The following ZDHHC7 variants were observed in gnomAD, a reference collection of about 807,000 sequenced individuals.
ZDHHC7 encodes the protein palmitoyltransferase ZDHHC7.
A neutral mutation model predicts 34.1 loss-of-function variants in ZDHHC7; 12 were observed. The observed-to-expected ratio is 0.35, with a 90% CI of 0.23 to 0.57. ZDHHC7 has a LOEUF of 0.57. Among genes scored for constraint, ZDHHC7 ranks in the 20% least tolerant of loss-of-function variants. ZDHHC7 has a pLI of 0.84. For missense variants in ZDHHC7, 388 were observed against 402.7 expected (o/e 0.96, Z 0.31); for synonymous variants, 185 against 155.4 (o/e 1.19, Z -1.42).
chr16:85,013,263 G>C (rs2072817410), upstream of ZDHHC7, among the ~76,000 whole-genome samples: 1 of 152,068 alleles, frequency 6.6e-6, no homozygotes, highest in African/African-American at 2.4e-5. Context: ...TTTACTTTGA[G>C]ATGGAGTCTC....
chr16:85,006,581 TA>T (rs1206821894), intron 1 of ZDHHC7, among the ~76,000 whole-genome samples: 5 of 148,382 alleles, frequency 3.4e-5, no homozygotes, highest in South Asian at 2.1e-4. Flanking sequence ...TTCTGTAATT[TA>T]AAAAAAAAGG....
At chr16:84,987,133 C>T (rs986922319) in intron 3 of ZDHHC7, among the ~76,000 whole-genome samples, 16 of 152,238 alleles carry the variant, frequency 1.1e-4, no homozygotes, top group Non-Finnish European at 1.9e-4. Context: ...TTCCACTCCA[C>T]AGCCTGCCAG....
At chr16:85,012,283 G>C (rs528455833), upstream of ZDHHC7, among the ~76,000 whole-genome samples, 1 of 151,832 alleles carries the variant, frequency 6.6e-6, no homozygotes, top group East Asian at 1.9e-4. Flanking sequence ...CTACTCGAGA[G>C]GCTGAGGCAG....
intron 1 of ZDHHC7, among the ~76,000 whole-genome samples, chr16:85,006,969 CCAAA>C (rs1218527437): frequency 4.6e-5 from 7 of 151,944 alleles, no homozygotes; most frequent in Admixed American, 6.5e-5. Flanking sequence ...TATTCATTCA[CCAAA>C]CAGTTTTCAA....
At chr16:84,994,190 C>G (rs2072546088) in intron 2 of ZDHHC7, among the ~76,000 whole-genome samples, 1 of 152,244 alleles carries the variant, frequency 6.6e-6, no homozygotes, top group Non-Finnish European at 1.5e-5. Context: ...GCCCTGTCCC[C>G]CTCATGCCTT....
chr16:84,977,729 C>A (rs777285109), intron 6 of ZDHHC7, among the ~76,000 whole-genome samples, 195 bp downstream of exon 6: 1 of 152,236 alleles, frequency 6.6e-6, no homozygotes, highest in Non-Finnish European at 1.5e-5. Context: ...AGCAGACAGA[C>A]ACAAGCTTTT....
At chr16:84,993,224 G>C (rs548864895) in intron 2 of ZDHHC7, among the ~76,000 whole-genome samples, 1 of 152,052 alleles carries the variant, frequency 6.6e-6, no homozygotes, top group Non-Finnish European at 1.5e-5. Flanking sequence ...GGGAGGCTGA[G>C]GGGGGAAGAT....
the ZDHHC7 span, among the ~76,000 whole-genome samples, chr16:85,018,004 C>G: frequency 6.6e-6 from 1 of 151,960 alleles, no homozygotes; most frequent in African/African-American, 2.4e-5. Context: ...TTGGAACTGT[C>G]GAGACACGGG....
At chr16:84,977,284 T>A in intron 6 of ZDHHC7, 59 bp from the exon 7 acceptor site, 1 of 1,596,964 alleles carries the variant, frequency 6.3e-7, no homozygotes, top group Non-Finnish European at 8.5e-7. Flanking sequence ...GGCAGAATGT[T>A]TGGCTCAGAG....
intron 6 of ZDHHC7, 194 bp from the exon 7 acceptor site, chr16:84,977,419 A>G (rs1410648474): frequency 6.4e-6 from 4 of 627,758 alleles, no homozygotes; most frequent in Non-Finnish European, 1.1e-5. Context: ...AATTCATACC[A>G]TGACTTCCTG....
At chr16:85,021,552 A>T in the ZDHHC7 span, among the ~76,000 whole-genome samples, 1 of 151,642 alleles carries the variant, frequency 6.6e-6, no homozygotes. Flanking sequence ...CTACTAAAGA[A>T]AAACAAATAC....
chr16:85,003,116 C>T (rs544872493), intron 1 of ZDHHC7, among the ~76,000 whole-genome samples: 9 of 152,028 alleles, frequency 5.9e-5, no homozygotes, highest in African/African-American at 9.7e-5. Context: ...AAGATGCAAG[C>T]GGGAGAGGCC....
At chr16:85,004,120 G>A (rs1457414006) in intron 1 of ZDHHC7, among the ~76,000 whole-genome samples, 1 of 151,702 alleles carries the variant, frequency 6.6e-6, no homozygotes, top group East Asian at 1.9e-4. Context: ...CAGGGCAGGA[G>A]GGTCAAAGCA....
intron 3 of ZDHHC7, among the ~76,000 whole-genome samples, chr16:84,989,607 A>C (rs1182362198): frequency 6.7e-6 from 1 of 150,234 alleles, no homozygotes; most frequent in Non-Finnish European, 1.5e-5. Context: ...AGGCAGGAGA[A>C]TAGCTTGAAC....
Position 84,975,793 on chromosome 16 carries a change from G to A in ZDHHC7, c.*550C>T, listed in dbSNP as rs1190465088. ...GAGGGTCAAAGGATGTCTCTTCCGG[G>A]GCAGCGGGGAGTGTGCCGGAAGCCA... On this transcript the variant is annotated 3_prime_UTR_variant, in exon 8 of 8. Coordinates refer to ENST00000313732, the MANE Select transcript of ZDHHC7 (RefSeq NM_017740.3). 1 of 155,984 alleles carries A rather than the reference G, an allele frequency of 6.4e-6. No individual in the cohort carries two copies. Among genetic ancestry groups the A allele is most frequent in the Non-Finnish European group, 1.4e-5 (1 of 70,580 alleles). 9.7% of individuals were successfully genotyped at this position (155,984 alleles called of 1,614,324 possible). A position where few individuals can be genotyped will look rare whatever the true frequency, so the allele number is the denominator to read the frequency against.
At chr16:85,001,146 G>A (rs940247815) in intron 1 of ZDHHC7, among the ~76,000 whole-genome samples, 2 of 152,104 alleles carry the variant, frequency 1.3e-5, no homozygotes, top group Non-Finnish European at 2.9e-5. Flanking sequence ...GGAATGGGAG[G>A]CACCAGACCT....
At chr16:85,027,121 T>C in the ZDHHC7 span, among the ~76,000 whole-genome samples, 1 of 152,258 alleles carries the variant, frequency 6.6e-6, no homozygotes, top group African/African-American at 2.4e-5. Context: ...CTAGAATTTA[T>C]GGAGCAGCTG....
chr16:84,998,012 G>C (rs1597554779), intron 1 of ZDHHC7, among the ~76,000 whole-genome samples: 1 of 150,800 alleles, frequency 6.6e-6, no homozygotes, highest in African/African-American at 2.4e-5. Context: ...TGTAATCCCA[G>C]TACTTTGGGA....
At position 84,996,004 on chromosome 16, in the gene ZDHHC7, G is replaced by A. The variant is rs1362698952; in HGVS notation, c.-100C>T. On this transcript the variant is annotated 5_prime_UTR_variant, in exon 2 of 8. Transcript: ENST00000313732. ...AAGGTGCATACTGTCCTATGTGATC[G>A]GATCTGAAAGGTAATAAAATCTGAT... 3 of 152,154 alleles carry A rather than the reference G, an allele frequency of 2.0e-5. No individual in the cohort carries two copies. The highest frequency in any genetic ancestry group is 4.4e-5 in the Non-Finnish European group (3 of 68,034). 9.4% of individuals were successfully genotyped at this position (152,154 alleles called of 1,614,324 possible). A position where few individuals can be genotyped will look rare whatever the true frequency, so the allele number is the denominator to read the frequency against.
Sources: gnomAD v4.1 joint callset for allele counts (sites outside exome capture counted in the v4.1 genomes callset) on GRCh38, gnomAD v4.1.1 for gene constraint, MANE v1.5 for transcripts, NCBI Gene and HGNC (gene_info 2026-07-23, HGNC 2026-07-21) for gene names.